Variants in RESF1 observed in about 807,000 individuals in gnomAD.
RESF1 encodes the protein retroelement silencing factor 1.
RESF1 carries 65 observed loss-of-function variants against 134.7 expected under a neutral mutation model. The ratio of observed to expected loss-of-function variants is 0.48; its 90% CI spans 0.40 to 0.59. The LOEUF (loss-of-function observed/expected upper bound fraction) is 0.59. Among genes scored for constraint, RESF1 ranks in the 20% least tolerant of loss-of-function variants. The pLI, the probability that RESF1 is intolerant of heterozygous loss-of-function variation, is 0.00. For missense variants in RESF1, 2,274 were observed against 2,002.7 expected (o/e 1.14, Z -2.59); for synonymous variants, 762 against 702.2 (o/e 1.09, Z -1.35).
intron 2 of RESF1, among the ~76,000 whole-genome samples, chr12:31,963,018 G>C (rs1043853185): frequency 6.6e-6 from 1 of 152,080 alleles, no homozygotes; most frequent in Admixed American, 6.5e-5. Flanking sequence ...AGTGAGCTGA[G>C]ATCGCGCCAC....
At position 31,983,296 on chromosome 12, in the gene RESF1, C is replaced by T. The variant is rs1939857480; in HGVS notation, c.2341C>T (p.Pro781Ser). The T allele has an allele frequency of 1.2e-6, 2 of 1,613,982 alleles. No individual in the cohort carries two copies. Among genetic ancestry groups the T allele is most frequent in the South Asian group, 1.1e-5 (1 of 91,060 alleles). ...AACATTGTCTGTCAAAGGAATAACACCTGCAGTGTTACCTGAAACAGTGTA... is the reference window on the plus strand; with the variant it reads ...AACATTGTCTGTCAAAGGAATAACATCTGCAGTGTTACCTGAAACAGTGTA... ...VKTLSVKGIT[P>S]AVLPETVYPV... Residue 781 changes from proline to serine, a missense_variant, in exon 4 of 6, where the codon CCT becomes TCT. Physicochemically the swap from Pro to Ser is moderately conservative, Grantham distance 74. Coordinates refer to ENST00000312561, the MANE Select transcript of RESF1 (RefSeq NM_018169.4).
chr12:31,967,302 G>A (rs111913298), intron 2 of RESF1, among the ~76,000 whole-genome samples: 9 of 152,200 alleles, frequency 5.9e-5, no homozygotes, highest in Admixed American at 5.9e-4. Flanking sequence ...TGCTGCAAGA[G>A]GGAGGATTGC....
Position 31,981,923 on chromosome 12 carries a change from A to G in RESF1, c.968A>G (p.Gln323Arg). 1 of 1,614,242 alleles carries G rather than the reference A, an allele frequency of 6.2e-7. No individual in the cohort carries two copies. Among genetic ancestry groups the G allele is most frequent in the South Asian group, 1.1e-5 (1 of 91,084 alleles). ...GAAATAAGGACCAGCTTTCAACAGC[A>G]GTGGCAAAACCCTAATGAAAATGTC... ...SSEIRTSFQQQWQNPNENVST... is the reference protein window; with the variant it reads ...SSEIRTSFQQRWQNPNENVST... Residue 323 changes from glutamine to arginine, a missense_variant, in exon 4 of 6, where the codon CAG (glutamine) becomes CGG (arginine). Coordinates refer to ENST00000312561, the MANE Select transcript of RESF1 (RefSeq NM_018169.4).
chr12:31,972,608 A>G (rs77030173), intron 3 of RESF1, among the ~76,000 whole-genome samples: 1 of 122,830 alleles, frequency 8.1e-6, no homozygotes. Flanking sequence ...TCCGTCTCAA[A>G]AAAAAAAAAA....
In RESF1 at chr12:31,981,822, G is replaced by A. The variant is rs761112247; in HGVS notation, c.867G>A (p.Gln289=). The change falls in exon 4 of 6, where the codon CAG becomes CAA. Residue 289 remains glutamine (Q), a synonymous_variant. Transcript: ENST00000312561. The part of the protein sequence containing the change: ...PPPYNCRYGS[Q]PLQSTQHITK... ...CTTACAACTGTAGATATGGAAGCCA[G>A]CCTTTGCAAAGTACTCAGCATATTA... 6.2e-6 allele frequency: 10 copies of A among 1,613,916 alleles called. No homozygotes were observed. The highest frequency in any genetic ancestry group is 1.1e-5 in the South Asian group (1 of 91,082).
rs761356254 is a variant in RESF1, at chr12:31,985,831, AAC to A, written c.4880_4881del (p.Thr1627ArgfsTer9). ...TAAGACCTTTTTACCGGTGAAAGGT[AAC>A]ACAGAAAAATCAAACATGCTGGAGT... ...KHKTFLPVKGNTEKSNMLEFK... is the reference protein window; with the variant it reads ...KHKTFLPVKGXTEKSNMLEFK... On this transcript the variant is annotated frameshift_variant, in exon 4 of 6. Transcript: ENST00000312561. LOFTEE classifies it high-confidence loss of function. 9 of 1,565,908 alleles carry A rather than the reference AAC, an allele frequency of 5.7e-6. No homozygotes were observed. The highest frequency in any genetic ancestry group is 2.3e-5 in the East Asian group (1 of 44,392).
intron 5 of RESF1, 39 bp from the exon 6 acceptor site, chr12:31,992,339 A>G: frequency 1.3e-6 from 2 of 1,518,306 alleles, no homozygotes; most frequent in Non-Finnish European, 1.8e-6. Context: ...CACAGCTAAC[A>G]TTGAGAAATA....
Position 31,981,211 on chromosome 12 carries a change from TCACA to T in RESF1, c.260_263del (p.His87LeufsTer3). On this transcript the variant is annotated frameshift_variant, in exon 4 of 6. Transcript: ENST00000312561. LOFTEE classifies it high-confidence loss of function. The stretch of plus-strand genomic sequence containing the variant: ...TATGCATAATGGGACAGTTGTGGCC[TCACA>T]CACTTCAGTAGAAAGAATAACATAT... The T allele has an allele frequency of 6.2e-7, 1 of 1,614,136 alleles. No individual in the cohort carries two copies. The highest frequency in any genetic ancestry group is 8.5e-7 in the Non-Finnish European group (1 of 1,180,020).
intron 3 of RESF1, among the ~76,000 whole-genome samples, chr12:31,972,600 C>G: frequency 9.4e-6 from 1 of 105,846 alleles, no homozygotes; most frequent in East Asian, 2.7e-4. Context: ...AGTGAGACTC[C>G]GTCTCAAAAA....
In RESF1 at chr12:31,984,220, A is replaced by G; in HGVS notation, c.3265A>G (p.Thr1089Ala). 6.2e-7 allele frequency: 1 copy of G among 1,614,056 alleles called. No individual in the cohort carries two copies. The highest frequency in any genetic ancestry group is 8.5e-7 in the Non-Finnish European group (1 of 1,180,000). ...QTTYQTSEDQ[T>A]ADKTSSDSKD... ...TACATACCAGACCTCAGAAGATCAA[A>G]CTGCTGATAAAACCAGTTCTGACTC... is the stretch of plus-strand genomic sequence containing the variant. The change falls in exon 4 of 6, where the codon ACT becomes GCT. Residue 1089 changes from threonine (T) to alanine (A), a missense_variant. Coordinates refer to ENST00000312561, the MANE Select transcript of RESF1 (RefSeq NM_018169.4).
chr12:31,968,193 T>C (rs1326581632), intron 2 of RESF1, among the ~76,000 whole-genome samples: 1 of 152,208 alleles, frequency 6.6e-6, no homozygotes, highest in African/African-American at 2.4e-5. Context: ...AAATAAACTT[T>C]CCTTTGTGGA....
Position 31,960,793 on chromosome 12 carries a change from A to AC in RESF1, c.-324dup, listed in dbSNP as rs1939246043. 6.6e-6 allele frequency: 1 copy of AC among 152,242 alleles called. No homozygotes were observed. The allele number at this position is 152,242 out of a possible 1,614,324, so 9.4% of individuals were successfully genotyped here. A position where few individuals can be genotyped will look rare whatever the true frequency, so the allele number is the denominator to read the frequency against. ...TGTCCCTAGGACCAAAGAAGTAAAC[A>AC]CTGTGTGGAGAGGGACTGACGTGTT... On this transcript the variant is annotated 5_prime_UTR_variant, in exon 2 of 6. Coordinates refer to ENST00000312561, the MANE Select transcript of RESF1 (RefSeq NM_018169.4).
Position 31,976,310 on chromosome 12 carries a change from A to G in RESF1, c.-78-4568A>G, listed in dbSNP as rs541779432. ...TGACTCCGCCAAAACTTGATTAACA[A>G]TAGCATGCTGTTCAGTGGAAGCCTT... On this transcript the variant is annotated intron_variant, in intron 3 of 5. Coordinates refer to ENST00000312561, the MANE Select transcript of RESF1 (RefSeq NM_018169.4). Among the ~76,000 whole-genome samples the G allele has an allele frequency of 5.9e-5, 9 of 152,348 alleles. No homozygotes were observed. In the South Asian group the frequency reaches 1.4e-3, roughly 25 times the overall value.
chr12:31,989,791 C>G (rs1940058010), intron 5 of RESF1, among the ~76,000 whole-genome samples: 1 of 152,084 alleles, frequency 6.6e-6, no homozygotes, highest in Admixed American at 6.6e-5. Flanking sequence ...GGCGGAGGTT[C>G]CAGTGAGCTG....
At position 31,983,992 on chromosome 12, in the gene RESF1, T is replaced by A. The variant is rs752260835; in HGVS notation, c.3037T>A (p.Ser1013Thr). The change falls in exon 4 of 6, where the codon TCA becomes ACA. Residue 1013 changes from serine (S) to threonine (T), a missense_variant. Transcript: ENST00000312561. ...EKSTANDTCS[S>T]AAIQEDIYPQ... ...AAGCACAGCTAACGATACGTGCTCGTCAGCTGCTATTCAGGAGGATATTTA... is the reference window on the plus strand; with the variant it reads ...AAGCACAGCTAACGATACGTGCTCGACAGCTGCTATTCAGGAGGATATTTA... 4 of 1,613,888 alleles carry A rather than the reference T, an allele frequency of 2.5e-6. No individual in the cohort carries two copies. Among genetic ancestry groups the A allele is most frequent in the African/African-American group, 1.3e-5 (1 of 74,914 alleles).
At chr12:31,988,124 A>T (rs907945378) in intron 5 of RESF1, among the ~76,000 whole-genome samples, 2 of 152,234 alleles carry the variant, frequency 1.3e-5, no homozygotes, top group Non-Finnish European at 2.9e-5. Flanking sequence ...TAATTTGATT[A>T]ATCTTCAATA....
At chr12:31,965,910 A>G (rs931769479) in intron 2 of RESF1, among the ~76,000 whole-genome samples, 1 of 148,524 alleles carries the variant, frequency 6.7e-6, no homozygotes, top group South Asian at 2.1e-4. Context: ...AAAAAAAAGA[A>G]GTGATACTTC....
rs147453939 is a variant in RESF1, at chr12:31,985,754, T to G, written c.4799T>G (p.Leu1600Ter). The G allele has an allele frequency of 6.3e-7, 1 of 1,578,842 alleles. No homozygotes were observed. Among genetic ancestry groups the G allele is most frequent in the African/African-American group, 1.4e-5 (1 of 72,726 alleles). The change falls in exon 4 of 6, where the codon TTA (leucine) becomes TGA (stop). Residue 1600 changes from leucine (L) to a stop codon, truncating the protein, a stop_gained. Transcript: ENST00000312561. LOFTEE classifies it high-confidence loss of function. ...CGTGAAAGCATTTCTCTCACCAAAT[T>G]AGAAAGTTCACCCAGGAAGCTTCAT... The part of the protein sequence containing the change: ...TERESISLTK[L>*]ESSPRKLHKD...
chr12:31,987,389 G>C (rs1940000323), intron 5 of RESF1, 67 bp downstream of exon 5: 1 of 875,654 alleles, frequency 1.1e-6, no homozygotes, highest in Non-Finnish European at 1.8e-6. Context: ...TTGGATTATG[G>C]TTATGATATG....
Sources: allele counts gnomAD v4.1 joint callset (sites outside exome capture counted in the v4.1 genomes callset), GRCh38; gene constraint gnomAD v4.1.1; transcripts MANE v1.5; gene names NCBI Gene and HGNC (gene_info 2026-07-23, HGNC 2026-07-21).